The following TSPAN16 variants were observed in gnomAD, a reference collection of about 807,000 sequenced individuals.
TSPAN16 encodes the protein tetraspanin-16.
In TSPAN16, 23 loss-of-function variants were observed where a neutral mutation model predicts 25.2. The ratio of observed to expected loss-of-function variants is 0.91; its 90% CI spans 0.66 to 1.29. The LOEUF (loss-of-function observed/expected upper bound fraction) is 1.29. TSPAN16 is among the 50% of genes most tolerant of loss of function. The pLI, the probability that TSPAN16 is intolerant of heterozygous loss-of-function variation, is 0.00. For missense variants in TSPAN16, 272 were observed against 299.9 expected, an observed-to-expected ratio of 0.91 and a Z score of 0.69; for synonymous variants, 123 against 124.4, an observed-to-expected ratio of 0.99 and a Z score of 0.08.
intron 4 of TSPAN16, among the ~76,000 whole-genome samples, chr19:11,305,034 T>C (rs979448424): frequency 6.6e-6 from 1 of 152,136 alleles, no homozygotes; most frequent in African/African-American, 2.4e-5. Context: ...TCTTCCTGAA[T>C]TGGCTTCTCA....
chr19:11,324,789 T>A (rs958661167), intron 6 of TSPAN16: 1 of 152,578 alleles, frequency 6.6e-6, no homozygotes, highest in Non-Finnish European at 1.5e-5. Flanking sequence ...CTGTCCCTTC[T>A]ACAATGGGAA....
intron 1 of TSPAN16, 130 bp from the exon 2 acceptor site, chr19:11,298,012 C>T (rs2080498096): frequency 1.1e-6 from 1 of 895,784 alleles, no homozygotes; most frequent in Non-Finnish European, 1.8e-6. Flanking sequence ...GTCTTGAACT[C>T]CTGGGCTCAA....
chr19:11,300,213 G>A (rs1448694664), intron 3 of TSPAN16, among the ~76,000 whole-genome samples: 4 of 152,120 alleles, frequency 2.6e-5, no homozygotes, highest in African/African-American at 9.7e-5. Context: ...TAATTCAAAG[G>A]CATGTGGTTT....
At chr19:11,303,929 G>A (rs944279238) in intron 4 of TSPAN16, among the ~76,000 whole-genome samples, 7 of 151,474 alleles carry the variant, frequency 4.6e-5, no homozygotes, top group African/African-American at 4.9e-5. Flanking sequence ...GATTACAGGC[G>A]TGCACTACCG....
chr19:11,298,451 C>CG, intron 2 of TSPAN16, 112 bp downstream of exon 2: 1 of 836,106 alleles, frequency 1.2e-6, no homozygotes, highest in Non-Finnish European at 1.8e-6. Context: ...TTTTTTTTTG[C>CG]GGGGACAGGG....
At chr19:11,317,228 C>A (rs2080754031), downstream of TSPAN16, among the ~76,000 whole-genome samples, 1 of 152,200 alleles carries the variant, frequency 6.6e-6, no homozygotes, top group South Asian at 2.1e-4. Flanking sequence ...GCGTTCACAA[C>A]CATAACACCG....
chr19:11,308,644 T>G (rs1478647486), intron 5 of TSPAN16, among the ~76,000 whole-genome samples: 1 of 152,012 alleles, frequency 6.6e-6, no homozygotes, highest in African/African-American at 2.4e-5. Context: ...CTAATTTTTT[T>G]GTACATTTTT....
At chr19:11,325,919 T>A (rs1172254459) in intron 6 of TSPAN16, among the ~76,000 whole-genome samples, 3 of 151,698 alleles carry the variant, frequency 2.0e-5, no homozygotes, top group African/African-American at 7.3e-5. Context: ...ACAATAAATT[T>A]TTTTAAAAAG....
downstream of TSPAN16, among the ~76,000 whole-genome samples, chr19:11,320,865 G>A (rs2147961811): frequency 6.6e-6 from 1 of 152,008 alleles, no homozygotes; most frequent in African/African-American, 2.4e-5. Context: ...CCAAGACTGG[G>A]TAATTTATAA....
chr19:11,298,236 T>C lies in TSPAN16; in HGVS notation c.164T>C (p.Leu55Pro), dbSNP rs17001344. ...NVLGLSSAYL[L>P]HVGNLCLVMG... Reference sequence around the variant, plus strand: ...CTCGGGCTGTCCTCCGCATACCTCCTTCACGTTGGCAACCTGTGCCTGGTG... The same window carrying C: ...CTCGGGCTGTCCTCCGCATACCTCCCTCACGTTGGCAACCTGTGCCTGGTG... Residue 55 changes from leucine to proline, a missense_variant, in exon 2 of 7, where the codon CTT (leucine) becomes CCT (proline). Physicochemically the swap from Leu to Pro is moderately conservative, Grantham distance 98. Coordinates refer to ENST00000590327, the MANE Select transcript of TSPAN16 (RefSeq NM_001282509.2). 13,721 of 1,614,182 alleles carry C rather than the reference T, an allele frequency of 8.5e-3. 126 individuals carry two copies. Among genetic ancestry groups the C allele is most frequent in the Admixed American group, 0.038 (2,293 of 59,994 alleles).
chr19:11,318,483 T>TA (rs2080760443), downstream of TSPAN16, among the ~76,000 whole-genome samples: 1 of 151,348 alleles, frequency 6.6e-6, no homozygotes, highest in Non-Finnish European at 1.5e-5. Context: ...CTAATTTAAT[T>TA]GAACTGGGCT....
rs140496064 is a variant in TSPAN16 at position 11,306,748 on chromosome 19, C to T, written c.595C>T (p.His199Tyr). 4 of 1,613,776 alleles carry T rather than the reference C, an allele frequency of 2.5e-6. No homozygotes were observed. Among genetic ancestry groups the T allele is most frequent in the Admixed American group, 3.3e-5 (2 of 59,978 alleles). Residue 199 changes from histidine (H) to tyrosine (Y), a missense_variant, in exon 5 of 7, where the codon CAC becomes TAC. Coordinates refer to ENST00000590327, the MANE Select transcript of TSPAN16 (RefSeq NM_001282509.2). ...ACGCGATGTGTCTCCAAACGTCATC[C>T]ACCAGAAGGTAACTGGAGATTTTGT... ...DGRDVSPNVIHQKGCFHKLLK... is the reference protein window; with the variant it reads ...DGRDVSPNVIYQKGCFHKLLK...
exon 7 of TSPAN16, chr19:11,326,888 G>C: frequency 1.7e-6 from 1 of 572,756 alleles, no homozygotes; most frequent in Non-Finnish European, 3.1e-6. Flanking sequence ...GGGTTTACCA[G>C]CGTGAGCCAC....
intron 6 of TSPAN16, among the ~76,000 whole-genome samples, chr19:11,321,866 A>T (rs1178368174): frequency 1.3e-5 from 2 of 152,054 alleles, no homozygotes; most frequent in African/African-American, 4.8e-5. Context: ...TAGTTGAGGG[A>T]AATAGTGTCC....
chr19:11,319,034 G>A (rs539401911), downstream of TSPAN16, among the ~76,000 whole-genome samples: 31 of 152,274 alleles, frequency 2.0e-4, no homozygotes, highest in South Asian at 1.7e-3. Context: ...GTGGACACCC[G>A]CTGGGTGTTC....
chr19:11,301,655 G>A, intron 4 of TSPAN16, among the ~76,000 whole-genome samples: 1 of 145,604 alleles, frequency 6.9e-6, no homozygotes. Context: ...AAAAAAAAAA[G>A]CCAGTCACAG....
intron 4 of TSPAN16, among the ~76,000 whole-genome samples, chr19:11,301,828 A>AC (rs2080553515): frequency 6.9e-6 from 1 of 144,892 alleles, no homozygotes; most frequent in African/African-American, 2.5e-5. Context: ...ATCGTTTAAC[A>AC]TTTTTTTTTT....
At chr19:11,306,576 C>T in intron 4 of TSPAN16, 28 bp from the exon 5 acceptor site, 1 of 1,612,328 alleles carries the variant, frequency 6.2e-7, no homozygotes, top group Non-Finnish European at 8.5e-7. Context: ...GAAAGGGACT[C>T]TCCAAGTATT....
At chr19:11,312,322 TAAAA>T (rs56982210) in intron 6 of TSPAN16, 100 bp downstream of exon 6, 162 of 307,780 alleles carry the variant, frequency 5.3e-4, no homozygotes, top group South Asian at 9.1e-4. Context: ...TGAACAAAAC[TAAAA>T]AAAAAAAAAA....
Sources: gnomAD v4.1 joint callset for allele counts (sites outside exome capture counted in the v4.1 genomes callset) on GRCh38, gnomAD v4.1.1 for gene constraint, MANE v1.5 for transcripts, NCBI Gene and HGNC (gene_info 2026-07-23, HGNC 2026-07-21) for gene names.